Variants in SLX4IP observed in about 807,000 individuals in gnomAD.
SLX4IP encodes protein SLX4IP.
Under a neutral mutation model 32.9 loss-of-function variants are expected in SLX4IP, and 34 were observed. The observed-to-expected ratio is 1.03, with a 90% CI of 0.79 to 1.38. The LOEUF (loss-of-function observed/expected upper bound fraction) is 1.38. Among genes scored for constraint, SLX4IP ranks in the 40% most tolerant of loss-of-function variants. The pLI is 0.00. For missense variants in SLX4IP, 444 were observed against 479.0 expected, an observed-to-expected ratio of 0.93 and a Z score of 0.68; for synonymous variants, 172 against 171.7, an observed-to-expected ratio of 1.00 and a Z score of -0.01.
chr20:10,534,807 G>A (rs931630764), intron 2 of SLX4IP, among the ~76,000 whole-genome samples: 1 of 152,204 alleles, frequency 6.6e-6, no homozygotes, highest in South Asian at 2.1e-4. Context: ...TCATGTACTT[G>A]TAGGAGACCA....
chr20:10,601,708 T>C, intron 5 of SLX4IP, 23 bp from the exon 6 acceptor site: 1 of 1,607,510 alleles, frequency 6.2e-7, no homozygotes, highest in Non-Finnish European at 8.5e-7. Context: ...ACCTTTAAAC[T>C]TGTTTTTCTT....
intron 2 of SLX4IP, among the ~76,000 whole-genome samples, chr20:10,460,311 A>G (rs924297545): frequency 6.6e-6 from 1 of 152,170 alleles, no homozygotes; most frequent in African/African-American, 2.4e-5. Flanking sequence ...CCACCTTAAA[A>G]CTTAGTGGCT....
At chr20:10,574,448 A>G (rs2066500316) in intron 4 of SLX4IP, among the ~76,000 whole-genome samples, 1 of 152,190 alleles carries the variant, frequency 6.6e-6, no homozygotes, top group South Asian at 2.1e-4. Flanking sequence ...TAATTTTTCC[A>G]TCATAAAACA....
At chr20:10,505,008 A>G (rs1046645809) in intron 2 of SLX4IP, among the ~76,000 whole-genome samples, 2 of 152,262 alleles carry the variant, frequency 1.3e-5, no homozygotes, top group African/African-American at 4.8e-5. Context: ...CAGTCAACTG[A>G]GAATAACAGT....
intron 2 of SLX4IP, among the ~76,000 whole-genome samples, chr20:10,479,930 G>A (rs2065507857): frequency 6.6e-6 from 1 of 152,008 alleles, no homozygotes; most frequent in African/African-American, 2.4e-5. Context: ...CTTGAACCAG[G>A]GCGTCAGAGG....
At chr20:10,618,440 C>T (rs1321040010) in intron 6 of SLX4IP, among the ~76,000 whole-genome samples, 1 of 152,174 alleles carries the variant, frequency 6.6e-6, no homozygotes, top group African/African-American at 2.4e-5. Context: ...GGACATGAGG[C>T]AGATGGCTGG....
chr20:10,543,748 G>A (rs2066134368), intron 2 of SLX4IP, among the ~76,000 whole-genome samples: 1 of 152,216 alleles, frequency 6.6e-6, no homozygotes, highest in South Asian at 2.1e-4. Context: ...GTGACATGCA[G>A]ATCATTGGTA....
At chr20:10,567,553 T>C (rs1246696635) in intron 4 of SLX4IP, among the ~76,000 whole-genome samples, 2 of 152,168 alleles carry the variant, frequency 1.3e-5, no homozygotes, top group Non-Finnish European at 2.9e-5. Context: ...TCCACAACTG[T>C]GAGGACGTAA....
At chr20:10,468,785 A>G (rs2065400763) in intron 2 of SLX4IP, among the ~76,000 whole-genome samples, 1 of 151,920 alleles carries the variant, frequency 6.6e-6, no homozygotes. Flanking sequence ...GTTATGTTTT[A>G]TATATATTTC....
At chr20:10,603,468 TTCTTTA>T (rs1370486417) in intron 6 of SLX4IP, among the ~76,000 whole-genome samples, 4 of 152,230 alleles carry the variant, frequency 2.6e-5, no homozygotes, top group Non-Finnish European at 2.9e-5. Flanking sequence ...TGAGTTCAGT[TTCTTTA>T]TCTTTAAGAT....
chr20:10,613,560 A>G (rs1173429498), intron 6 of SLX4IP: 6 of 1,612,238 alleles, frequency 3.7e-6, no homozygotes, highest in Non-Finnish European at 5.1e-6. Flanking sequence ...TCTGCTCTGA[A>G]TGGCTGCCTT....
At chr20:10,568,596 C>T (rs1002874911) in intron 4 of SLX4IP, among the ~76,000 whole-genome samples, 2 of 152,186 alleles carry the variant, frequency 1.3e-5, no homozygotes, top group Admixed American at 6.5e-5. Flanking sequence ...GAAAGATGCT[C>T]ATGGATGTTT....
intron 1 of SLX4IP, among the ~76,000 whole-genome samples, 189 bp downstream of exon 1, chr20:10,435,642 A>G (rs757374772): frequency 6.6e-6 from 1 of 152,210 alleles, no homozygotes; most frequent in Non-Finnish European, 1.5e-5. Context: ...TGCCATGAGC[A>G]TGGGCATTAC....
intron 2 of SLX4IP, among the ~76,000 whole-genome samples, chr20:10,528,036 A>T (rs547801570): frequency 2.4e-3 from 359 of 152,178 alleles, no homozygotes; most frequent in African/African-American, 5.7e-3. Flanking sequence ...TCAATTTTTT[A>T]AAAAAATGTT....
chr20:10,519,161 A>G (rs1181605793), intron 2 of SLX4IP, among the ~76,000 whole-genome samples: 2 of 152,244 alleles, frequency 1.3e-5, no homozygotes, highest in Middle Eastern at 3.2e-3. Context: ...AAATATTTAC[A>G]TCTGTGTAAT....
chr20:10,602,659 G>T (rs749451140), intron 6 of SLX4IP, among the ~76,000 whole-genome samples: 2 of 152,080 alleles, frequency 1.3e-5, no homozygotes, highest in Non-Finnish European at 2.9e-5. Flanking sequence ...CATTAACCGG[G>T]CCATGAAGTG....
intron 4 of SLX4IP, among the ~76,000 whole-genome samples, chr20:10,586,922 T>A (rs2066652793): frequency 6.6e-6 from 1 of 152,094 alleles, no homozygotes; most frequent in Admixed American, 6.5e-5. Context: ...AAGCACCAGG[T>A]CTGGATATTT....
At position 10,512,538 on chromosome 20, in the gene SLX4IP, C is replaced by T. The variant is rs2065815836; in HGVS notation, c.28-43693C>T. Among the ~76,000 whole-genome samples, 2 of 147,248 alleles carry T rather than the reference C, an allele frequency of 1.4e-5. 1 individual carries two copies. Among genetic ancestry groups the T allele is most frequent in the African/African-American group, 5.0e-5 (2 of 40,188 alleles). On this transcript the variant is annotated intron_variant, in intron 2 of 7. Transcript: ENST00000334534. ...GCCTTCCAAGTAGCTAGGACTACAG[C>T]TGTGCCCCACCATCCCTGTCTAATT...
At chr20:10,601,894 AT>A in intron 6 of SLX4IP, 75 bp downstream of exon 6, 1 of 1,323,412 alleles carries the variant, frequency 7.6e-7, no homozygotes, top group Non-Finnish European at 1.1e-6. Flanking sequence ...GAAAACAAGA[AT>A]TGTCTGCTGT....
Sources: allele counts gnomAD v4.1 joint callset (sites outside exome capture counted in the v4.1 genomes callset), GRCh38; gene constraint gnomAD v4.1.1; transcripts MANE v1.5; gene names NCBI Gene and HGNC (gene_info 2026-07-23, HGNC 2026-07-21).